The following RGPD8 variants were observed in gnomAD, a reference collection of about 807,000 sequenced individuals.
RGPD8 encodes the protein RANBP2-like and GRIP domain-containing protein 8.
RGPD8 carries 15 observed loss-of-function variants against 89.1 expected under a neutral mutation model. The observed-to-expected ratio is 0.17, with a 90% CI of 0.11 to 0.26. The LOEUF (loss-of-function observed/expected upper bound fraction) is 0.26, where lower values mean the gene tolerates loss of function less well. Among genes scored for constraint, RGPD8 ranks in the 10% least tolerant of loss-of-function variants. The probability of loss-of-function intolerance (pLI) is 1.00; values close to 1 mark genes in which losing one functional copy is unlikely to be tolerated. For synonymous variants in RGPD8, 62 were observed against 420.9 expected (o/e 0.15, Z 10.44); for missense variants, 178 against 1,179.6 (o/e 0.15, Z 12.44).
At chr2:112,370,355 G>A (rs1428353193) in intron 22 of RGPD8, 143 bp from the exon 23 acceptor site, 1 of 500,114 alleles carries the variant, frequency 2.0e-6, no homozygotes, top group African/African-American at 2.2e-5. Flanking sequence ...TGGTGGGGGG[G>A]GGGGTTCTTT....
At position 112,369,974 on chromosome 2, in the gene RGPD8, T is replaced by C; in HGVS notation, c.*204A>G. 1 of 321,746 alleles carries C rather than the reference T, an allele frequency of 3.1e-6. No homozygotes were observed. The highest frequency in any genetic ancestry group is 5.3e-6 in the Non-Finnish European group (1 of 187,280). The allele number at this position is 321,746 out of a possible 1,614,324, so 19.9% of individuals were successfully genotyped here. ...GTATCAACACTTCAAGCTGTTGTAC[T>C]TTTACTTCAAGTTGAAACTTTTAAA... On this transcript the variant is annotated 3_prime_UTR_variant, in exon 23 of 23. Transcript: ENST00000302558.
chr2:112,427,136 A>G (rs1679804972), intron 1 of RGPD8, among the ~76,000 whole-genome samples: 1 of 152,110 alleles, frequency 6.6e-6, no homozygotes, highest in Non-Finnish European at 1.5e-5. Context: ...TCAAGGTACA[A>G]TGCCAAAACA....
intron 18 of RGPD8, among the ~76,000 whole-genome samples, 162 bp from the exon 19 acceptor site, chr2:112,391,231 A>G (rs1410043681): frequency 3.0e-3 from 449 of 150,588 alleles, no homozygotes; most frequent in Middle Eastern, 0.017. Context: ...AATCAAGATT[A>G]TCAAATGACA....
At chr2:112,420,963 C>CT (rs1679550615) in intron 4 of RGPD8, among the ~76,000 whole-genome samples, 2 of 152,302 alleles carry the variant, frequency 1.3e-5, no homozygotes, top group African/African-American at 4.8e-5. Context: ...AGATTTTGAA[C>CT]TTTTTCAGAC....
intron 1 of RGPD8, chr2:112,432,429 T>TA (rs989211754): frequency 1.0e-6 from 1 of 971,776 alleles, no homozygotes; most frequent in African/African-American, 1.8e-5. Flanking sequence ...GCTGGACCCT[T>TA]ACAAAGGGAC....
intron 19 of RGPD8, 129 bp from the exon 20 acceptor site, chr2:112,390,376 CA>C (rs1434028584): frequency 1.4e-6 from 1 of 702,516 alleles, no homozygotes; most frequent in Non-Finnish European, 2.3e-6. Flanking sequence ...ATGATGATAA[CA>C]TTTATTGAGC....
chr2:112,431,699 C>T (rs1477116075), intron 1 of RGPD8, among the ~76,000 whole-genome samples: 2 of 150,662 alleles, frequency 1.3e-5, no homozygotes, highest in African/African-American at 2.4e-5. Context: ...TGCAGTAGCG[C>T]GATCTCGGCT....
intron 20 of RGPD8, among the ~76,000 whole-genome samples, chr2:112,381,373 C>G (rs2104768153): frequency 9.1e-6 from 1 of 109,618 alleles, no homozygotes; most frequent in Non-Finnish European, 2.0e-5. Context: ...GGGTAGGTAT[C>G]ATTATTCAAA....
rs761315391 is a variant in RGPD8, at chr2:112,390,052, T to C, written c.2893A>G (p.Thr965Ala). The C allele has an allele frequency of 7.0e-6, 11 of 1,576,494 alleles. 2 individuals are homozygous for C. The highest frequency in any genetic ancestry group is 6.9e-6 in the Non-Finnish European group (8 of 1,154,530). The change falls in exon 20 of 23, where the codon ACA (threonine) becomes GCA (alanine). Residue 965 changes from threonine (T) to alanine (A), a missense_variant. Transcript: ENST00000302558. ...TCTGCAAATGTAAAAGTGCTACTTGTTTGGCCAAAAATCACACCACGGCCC... is the reference window on the plus strand; with the variant it reads ...TCTGCAAATGTAAAAGTGCTACTTGCTTGGCCAAAAATCACACCACGGCCC... ...KKGRGVIFGQ[T>A]SSTFTFADVA...
At chr2:112,405,020 A>G (rs1325127419) in intron 8 of RGPD8, among the ~76,000 whole-genome samples, 1 of 152,278 alleles carries the variant, frequency 6.6e-6, no homozygotes, top group Non-Finnish European at 1.5e-5. Flanking sequence ...TTGCTAAATC[A>G]AAGAAGCCAG....
At chr2:112,410,877 G>C (rs1449461366) in intron 7 of RGPD8, among the ~76,000 whole-genome samples, 2 of 152,294 alleles carry the variant, frequency 1.3e-5, no homozygotes, top group Non-Finnish European at 2.9e-5. Context: ...CCTGAGTTCA[G>C]GAGCTCAAGA....
intron 22 of RGPD8, among the ~76,000 whole-genome samples, chr2:112,374,861 T>TG: frequency 7.6e-6 from 1 of 132,060 alleles, no homozygotes; most frequent in Non-Finnish European, 1.6e-5. Flanking sequence ...TTACATTCTT[T>TG]TTTTTTTTTT....
chr2:112,411,232 T>A (rs1225055790), intron 7 of RGPD8, among the ~76,000 whole-genome samples: 1 of 151,634 alleles, frequency 6.6e-6, no homozygotes, highest in Non-Finnish European at 1.5e-5. Context: ...ACTGCTTATT[T>A]CTTTTCCTTT....
intron 1 of RGPD8, chr2:112,432,749 G>A (rs1216129756): frequency 1.0e-6 from 1 of 985,264 alleles, no homozygotes; most frequent in African/African-American, 1.7e-5. Context: ...GCGAGCCCAC[G>A]AGCGAGCACC....
chr2:112,431,425 T>C (rs1680030404), intron 1 of RGPD8, among the ~76,000 whole-genome samples: 1 of 152,202 alleles, frequency 6.6e-6, no homozygotes, highest in Admixed American at 6.5e-5. Context: ...AGGAATAGAC[T>C]GTAACTTACT....
At position 112,432,333 on chromosome 2, in the gene RGPD8, A is replaced by ATT. The variant is rs577892118; in HGVS notation, c.72+1047_72+1048dup. Among the ~76,000 whole-genome samples, 3 of 147,654 alleles carry ATT rather than the reference A, an allele frequency of 2.0e-5. No homozygotes were observed. In the South Asian group the frequency reaches 6.4e-4, roughly 31 times the overall value. On this transcript the variant is annotated intron_variant, in intron 1 of 22. Coordinates refer to ENST00000302558, the MANE Select transcript of RGPD8 (RefSeq NM_001164463.1). ...ACTAACGATTTGTAAGAACTTTAGA[A>ATT]TTTTTTTTTTTTAAGCAAAGGCAGC...
intron 6 of RGPD8, among the ~76,000 whole-genome samples, chr2:112,415,124 C>A (rs1201191718): frequency 6.7e-6 from 1 of 149,432 alleles, no homozygotes; most frequent in Non-Finnish European, 1.5e-5. Context: ...TGGCTCACCC[C>A]TGTAATCCCA....
At chr2:112,426,046 C>T (rs1219416235) in intron 1 of RGPD8, among the ~76,000 whole-genome samples, 2 of 151,674 alleles carry the variant, frequency 1.3e-5, no homozygotes, top group Admixed American at 6.6e-5. Context: ...TTTCTTTTTC[C>T]TTCTTCACAA....
chr2:112,433,009 T>C (rs1309532870), intron 1 of RGPD8, among the ~76,000 whole-genome samples: 1 of 52,690 alleles, frequency 1.9e-5, no homozygotes, highest in African/African-American at 4.1e-5. Flanking sequence ...AGCAGCGCCC[T>C]CGGGAGCCAT....
Sources: allele counts gnomAD v4.1 joint callset (sites outside exome capture counted in the v4.1 genomes callset), GRCh38; gene constraint gnomAD v4.1.1; transcripts MANE v1.5; gene names NCBI Gene and HGNC (gene_info 2026-07-23, HGNC 2026-07-21).